PABPC4L: variants seen among roughly 807,000 people sequenced by gnomAD.
PABPC4L encodes poly(A) binding protein cytoplasmic 4 like, also known as polyadenylate-binding protein 4-like.
For missense variants in PABPC4L, 452 were observed against 451.4 expected (o/e 1.00, Z -0.01); for synonymous variants, 169 against 164.1 (o/e 1.03, Z -0.23).
At chr4:134,075,430 T>C in the PABPC4L span, among the ~76,000 whole-genome samples, 1 of 152,152 alleles carries the variant, frequency 6.6e-6, no homozygotes, top group African/African-American at 2.4e-5. Flanking sequence ...AATTAATTAA[T>C]TAATAATGCA....
At chr4:134,169,516 T>A in the PABPC4L span, among the ~76,000 whole-genome samples, 3 of 152,052 alleles carry the variant, frequency 2.0e-5, no homozygotes, top group Non-Finnish European at 4.4e-5. Context: ...AGTTTGCTGC[T>A]GATATAATCT....
the PABPC4L span, among the ~76,000 whole-genome samples, chr4:134,077,776 G>A: frequency 6.6e-6 from 1 of 151,876 alleles, no homozygotes; most frequent in Admixed American, 6.6e-5. Flanking sequence ...TCCCATGGAA[G>A]GTTGTTTTTA....
the PABPC4L span, among the ~76,000 whole-genome samples, chr4:134,014,374 C>A: frequency 2.0e-5 from 3 of 152,176 alleles, no homozygotes; most frequent in Non-Finnish European, 4.4e-5. Context: ...CTCCAGCACA[C>A]AAGAACTTCC....
chr4:134,164,678 T>C, the PABPC4L span, among the ~76,000 whole-genome samples: 1 of 152,078 alleles, frequency 6.6e-6, no homozygotes, highest in African/African-American at 2.4e-5. Context: ...AGGATAAGTA[T>C]TCTAAAAATG....
chr4:134,094,768 A>T, the PABPC4L span, among the ~76,000 whole-genome samples: 2 of 151,646 alleles, frequency 1.3e-5, no homozygotes, highest in East Asian at 1.9e-4. Flanking sequence ...GTTACCCATA[A>T]ATTAAACTGG....
chr4:134,006,173 T>C, the PABPC4L span, among the ~76,000 whole-genome samples: 3 of 151,908 alleles, frequency 2.0e-5, no homozygotes, highest in African/African-American at 7.2e-5. Flanking sequence ...ACAGCTTTGT[T>C]TTTTCCATGC....
chr4:134,106,320 A>T, the PABPC4L span, among the ~76,000 whole-genome samples: 1 of 151,778 alleles, frequency 6.6e-6, no homozygotes, highest in South Asian at 2.1e-4. Context: ...CATAAGAATG[A>T]TTTAGGGAAA....
chr4:134,017,528 C>T, the PABPC4L span, among the ~76,000 whole-genome samples: 1 of 152,146 alleles, frequency 6.6e-6, no homozygotes, highest in East Asian at 1.9e-4. Flanking sequence ...CAGCTGATAC[C>T]TCCTGGTGCT....
the PABPC4L span, among the ~76,000 whole-genome samples, chr4:134,038,014 T>C: frequency 6.6e-6 from 1 of 152,308 alleles, no homozygotes; most frequent in South Asian, 2.1e-4. Flanking sequence ...CTTAGTTTAT[T>C]GAGAGTTTTT....
chr4:133,989,011 T>A, the PABPC4L span, among the ~76,000 whole-genome samples: 1 of 152,080 alleles, frequency 6.6e-6, no homozygotes, highest in South Asian at 2.1e-4. Flanking sequence ...CCTTGGACCC[T>A]TTTACCCATG....
At chr4:134,133,602 T>C in the PABPC4L span, among the ~76,000 whole-genome samples, 3 of 151,484 alleles carry the variant, frequency 2.0e-5, no homozygotes, top group Admixed American at 6.6e-5. Flanking sequence ...ATCATCAACG[T>C]CGTATGTTCT....
chr4:134,010,852 G>T, the PABPC4L span, among the ~76,000 whole-genome samples: 1 of 152,174 alleles, frequency 6.6e-6, no homozygotes, highest in Non-Finnish European at 1.5e-5. Flanking sequence ...AAGTGGGGTT[G>T]TGAGAAATCA....
the PABPC4L span, among the ~76,000 whole-genome samples, chr4:134,073,199 G>A: frequency 1.3e-5 from 2 of 152,102 alleles, no homozygotes; most frequent in African/African-American, 4.8e-5. Context: ...TCAAAAGCAA[G>A]CTAGTTACTT....
At chr4:133,978,869 T>A in the PABPC4L span, 1 of 152,268 alleles carries the variant, frequency 6.6e-6, no homozygotes, top group African/African-American at 2.4e-5. Context: ...ATAATAAAAT[T>A]TCTATCCAGG....
the PABPC4L span, among the ~76,000 whole-genome samples, chr4:134,086,329 T>C: frequency 1.3e-5 from 2 of 152,094 alleles, no homozygotes; most frequent in African/African-American, 4.8e-5. Flanking sequence ...TTGCAGCTAT[T>C]CTTTCTTACT....
chr4:134,003,773 A>C, the PABPC4L span, among the ~76,000 whole-genome samples: 1 of 151,872 alleles, frequency 6.6e-6, no homozygotes, highest in African/African-American at 2.4e-5. Flanking sequence ...GCATCAAGAA[A>C]TCTTTACACG....
chr4:133,977,162 A>C, the PABPC4L span, among the ~76,000 whole-genome samples: 1 of 152,178 alleles, frequency 6.6e-6, no homozygotes, highest in African/African-American at 2.4e-5. Flanking sequence ...ACCATTTATT[A>C]AATAGGGACT....
At chr4:134,016,826 C>T in the PABPC4L span, among the ~76,000 whole-genome samples, 1 of 152,246 alleles carries the variant, frequency 6.6e-6, no homozygotes, top group South Asian at 2.1e-4. Flanking sequence ...TTCTACTACC[C>T]CTCAGGGATT....
chr4:134,096,403 A>G, the PABPC4L span, among the ~76,000 whole-genome samples: 3 of 151,992 alleles, frequency 2.0e-5, no homozygotes, highest in Admixed American at 1.3e-4. Flanking sequence ...ATAGGCTTAA[A>G]TTTTAAACTT....
Sources: allele counts gnomAD v4.1 joint callset (sites outside exome capture counted in the v4.1 genomes callset), GRCh38; gene constraint gnomAD v4.1.1; transcripts MANE v1.5; gene names NCBI Gene and HGNC (gene_info 2026-07-23, HGNC 2026-07-21).